The following TOR2A variants were observed in gnomAD, a reference collection of about 807,000 sequenced individuals.
TOR2A encodes prosalusin.
TOR2A carries 24 observed loss-of-function variants against 28.6 expected under a neutral mutation model. The observed-to-expected ratio is 0.84, with a 90% confidence interval of 0.61 to 1.18. TOR2A has a LOEUF of 1.18. TOR2A is among the 50% of genes most tolerant of loss of function. The pLI is 0.00. For missense variants in TOR2A, 426 were observed against 448.1 expected, an observed-to-expected ratio of 0.95 and a Z score of 0.45; for synonymous variants, 203 against 203.1, an observed-to-expected ratio of 1.00 and a Z score of 0.00.
chr9:127,734,762 C>T (rs768692673), intron 1 of TOR2A, 198 bp from the exon 2 acceptor site: 91 of 630,490 alleles, frequency 1.4e-4, no homozygotes, highest in Middle Eastern at 9.2e-4. Context: ...GCGCCCCCAC[C>T]AGGCGGTCCT....
Position 127,734,402 on chromosome 9 carries a change from A to C in TOR2A, c.314T>G (p.Leu105Arg), listed in dbSNP as rs1362793254. ...TGTGKSYVSS[L>R]LAHYLFQGGL... ...GCCCTGGAAGAGGTAGTGCGCCAGC[A>C]GGGAGCTGACATAGGATTTGCCGGT... The change falls in exon 2 of 5, where the codon CTG (leucine) becomes CGG (arginine). Residue 105 changes from leucine (L) to arginine (R), a missense_variant. Transcript: ENST00000373284. 8.1e-6 allele frequency: 13 copies of C among 1,612,582 alleles called. No individual in the cohort carries two copies. Among genetic ancestry groups the C allele is most frequent in the Non-Finnish European group, 1.7e-6 (2 of 1,179,810 alleles).
At position 127,733,389 on chromosome 9, in the gene TOR2A, T is replaced by C. The variant is rs1406050062; in HGVS notation, c.589A>G (p.Ile197Val). The part of the protein sequence containing the change: ...TNYRKAIFIF[I>V]SNTGGKQINQ... ...CACTGCAAAGCCGGGCCCCACCTGATGAAGATGAAGATGGCTTTGCGGTAA... is the reference window on the plus strand; with the variant it reads ...CACTGCAAAGCCGGGCCCCACCTGACGAAGATGAAGATGGCTTTGCGGTAA... Residue 197 changes from isoleucine (I) to valine (V), a missense_variant, in exon 3 of 5, where the codon ATC (isoleucine) becomes GTC (valine). Physicochemically the swap from Ile to Val is conservative, Grantham distance 29. Transcript: ENST00000373284. 4 of 1,613,286 alleles carry C rather than the reference T, an allele frequency of 2.5e-6. No individual in the cohort carries two copies. The highest frequency in any genetic ancestry group is 3.4e-6 in the Non-Finnish European group (4 of 1,179,656).
Position 127,732,686 on chromosome 9 carries a change from G to C in TOR2A, c.599C>G (p.Thr200Arg), listed in dbSNP as rs374370419. The part of the protein sequence containing the change: ...RKAIFIFISN[T>R]GGKQINQVAL... ...CACCTGGTTGATCTGCTTGCCACCC[G>C]TGTTGCTAAAACCATGGGGGACCCA... The change falls in exon 4 of 5, where the codon ACG (threonine) becomes AGG (arginine). Residue 200 changes from threonine (T) to arginine (R), a missense_variant. Physicochemically the swap from Thr to Arg is moderately conservative, Grantham distance 71. Coordinates refer to ENST00000373284, the MANE Select transcript of TOR2A (RefSeq NM_001085347.3). The C allele has an allele frequency of 1.3e-6, 2 of 1,562,886 alleles. No individual in the cohort carries two copies. Among genetic ancestry groups the C allele is most frequent in the African/African-American group, 2.7e-5 (2 of 73,826 alleles).
chr9:127,732,427 C>G, intron 4 of TOR2A, 137 bp downstream of exon 4: 1 of 1,446,146 alleles, frequency 6.9e-7, no homozygotes, highest in Non-Finnish European at 9.1e-7. Flanking sequence ...AAGGCTCACC[C>G]AAAGTCACAA....
At position 127,732,656 on chromosome 9, in the gene TOR2A, A is replaced by G. The variant is rs1264150192; in HGVS notation, c.629T>C (p.Leu210Ser). Residue 210 changes from leucine (L) to serine (S), a missense_variant, in exon 4 of 5, where the codon TTG (leucine) becomes TCG (serine). Coordinates refer to ENST00000373284, the MANE Select transcript of TOR2A (RefSeq NM_001085347.3). ...TGGKQINQVALEAWRSRRDRE... is the reference protein window; with the variant it reads ...TGGKQINQVASEAWRSRRDRE... Reference sequence around the variant, plus strand: ...GTCCCGCCGGCTGCGCCACGCCTCCAATGCCACCTGGTTGATCTGCTTGCC... The same window carrying G: ...GTCCCGCCGGCTGCGCCACGCCTCCGATGCCACCTGGTTGATCTGCTTGCC... 6.4e-7 allele frequency: 1 copy of G among 1,570,332 alleles called. No homozygotes were observed. Among genetic ancestry groups the G allele is most frequent in the Non-Finnish European group, 8.6e-7 (1 of 1,158,326 alleles).
In TOR2A at chr9:127,731,878, C is replaced by T; in HGVS notation, c.*156G>A. 1 of 1,437,438 alleles carries T rather than the reference C, an allele frequency of 7.0e-7. No individual in the cohort carries two copies. The highest frequency in any genetic ancestry group is 9.2e-7 in the Non-Finnish European group (1 of 1,086,744). The allele number at this position is 1,437,438 out of a possible 1,614,324, so 89.0% of individuals were successfully genotyped here. On this transcript the variant is annotated 3_prime_UTR_variant, in exon 5 of 5. Transcript: ENST00000373284. ...TGGCCGGGGCCAAGATGCTCTCGAG[C>T]CAGTTTAGAGGCCAGGGCCCTTCCT... is the stretch of plus-strand genomic sequence containing the variant.
chr9:127,732,402 G>C, intron 4 of TOR2A, 124 bp from the exon 5 acceptor site: 1 of 1,455,706 alleles, frequency 6.9e-7, no homozygotes, highest in Non-Finnish European at 9.0e-7. Flanking sequence ...TCTGGGTGTA[G>C]GACTCAGGGG....
chr9:127,732,834 C>A, intron 3 of TOR2A, 143 bp from the exon 4 acceptor site: 2 of 1,444,504 alleles, frequency 1.4e-6, no homozygotes, highest in Non-Finnish European at 1.8e-6. Context: ...CGCTCCACTT[C>A]CCCCTCCATG....
intron 3 of TOR2A, chr9:127,732,918 T>A: frequency 1.4e-6 from 2 of 1,413,008 alleles, no homozygotes; most frequent in Non-Finnish European, 1.8e-6. Flanking sequence ...CACTTTTGTG[T>A]CCCTCAACTG....
Position 127,732,190 on chromosome 9 carries a change from G to A in TOR2A, c.810C>T (p.His270=), listed in dbSNP as rs757777939. Reference sequence around the variant, plus strand: ...GCTGGGCCAGCTCGTTGAGCACGCAGTGCCGGACGTGGTGCCGCTGGAGCG... The same window carrying A: ...GCTGGGCCAGCTCGTTGAGCACGCAATGCCGGACGTGGTGCCGCTGGAGCG... The part of the protein sequence containing the change: ...FLPLQRHHVR[H]CVLNELAQLG... Residue 270 remains histidine, a synonymous_variant, in exon 5 of 5, where the codon CAC becomes CAT. Coordinates refer to ENST00000373284, the MANE Select transcript of TOR2A (RefSeq NM_001085347.3). 5 of 1,612,806 alleles carry A rather than the reference G, an allele frequency of 3.1e-6. No homozygotes were observed. In the South Asian group the frequency reaches 5.5e-5, roughly 18 times the overall value.
Position 127,735,103 on chromosome 9 carries a change from G to C in TOR2A, c.151+17C>G, listed in dbSNP as rs1199012499. ...CGCGTCCGCCCGCCCCTCGCTCCGG[G>C]CTCCCTGGCGCCTCACCCGGCAAGT... On this transcript the variant is annotated intron_variant, in intron 1 of 4. Coordinates refer to ENST00000373284, the MANE Select transcript of TOR2A (RefSeq NM_001085347.3). 22 of 1,453,386 alleles carry C rather than the reference G, an allele frequency of 1.5e-5. No homozygotes were observed. The highest frequency in any genetic ancestry group is 1.6e-5 in the Non-Finnish European group (18 of 1,108,228). The allele number at this position is 1,453,386 out of a possible 1,614,324, so 90.0% of individuals were successfully genotyped here.
In TOR2A at chr9:127,735,019, C is replaced by T; in HGVS notation, c.151+101G>A. ...CCCTCGGTCCCACCCTCTGGGTCCT[C>T]AGCTTCTCTGGCCGGCGCCAGCCGG... On this transcript the variant is annotated intron_variant, in intron 1 of 4. Transcript: ENST00000373284. 6 of 1,334,028 alleles carry T rather than the reference C, an allele frequency of 4.5e-6. No homozygotes were observed. The South Asian group carries it at 7.2e-5, about 16-fold the overall frequency. The allele number at this position is 1,334,028 out of a possible 1,614,324, so 82.6% of individuals were successfully genotyped here.
chr9:127,735,057 C>T, intron 1 of TOR2A, 63 bp downstream of exon 1: 2 of 1,374,034 alleles, frequency 1.5e-6, no homozygotes, highest in Non-Finnish European at 1.9e-6. Flanking sequence ...TCCCAGGGCT[C>T]CCAGCGCTCC....
At chr9:127,734,218 C>A in intron 2 of TOR2A, 81 bp downstream of exon 2, 1 of 1,482,826 alleles carries the variant, frequency 6.7e-7, no homozygotes. Context: ...GAGCAGGTGA[C>A]TCCCCTGTCT....
At position 127,731,798 on chromosome 9, in the gene TOR2A, G is replaced by A. The variant is rs1415779463; in HGVS notation, c.*236C>T. The A allele has an allele frequency of 5.0e-6, 4 of 798,852 alleles. No homozygotes were observed. Among genetic ancestry groups the A allele is most frequent in the African/African-American group, 3.5e-5 (2 of 57,614 alleles). The allele number at this position is 798,852 out of a possible 1,614,324, so 49.5% of individuals were successfully genotyped here. A position where few individuals can be genotyped will look rare whatever the true frequency, so the allele number is the denominator to read the frequency against. ...ACAGTAAGAAGGCTCAGGCTGCAGG[G>A]GGAGGTCAAGGCTCAGTGAGGTTCT... On this transcript the variant is annotated 3_prime_UTR_variant, in exon 5 of 5. Transcript: ENST00000373284.
chr9:127,732,091 C>G lies in TOR2A; in HGVS notation c.909G>C (p.Gln303His). The change falls in exon 5 of 5, where the codon CAG (glutamine) becomes CAC (histidine). Residue 303 changes from glutamine (Q) to histidine (H), a missense_variant. Physicochemically the swap from Gln to His is conservative, Grantham distance 24. Transcript: ENST00000373284. ...TCTTGCAGCCGTTGGAGGAGAAGAG[C>G]TGCTCGTCTTCAGGGAAGAAGGTGG... ...DSTTFFPEDE[Q>H]LFSSNGCKTV... is the part of the protein sequence containing the mutation. The G allele has an allele frequency of 6.2e-7, 1 of 1,613,908 alleles. No individual in the cohort carries two copies. The highest frequency in any genetic ancestry group is 8.5e-7 in the Non-Finnish European group (1 of 1,180,022).
chr9:127,732,359 G>A, intron 4 of TOR2A, 81 bp from the exon 5 acceptor site: 2 of 1,498,306 alleles, frequency 1.3e-6, no homozygotes, highest in South Asian at 1.4e-5. Context: ...GGGGCAGGAG[G>A]AAAAATGCTG....
Position 127,735,184 on chromosome 9 carries a change from G to A in TOR2A, c.87C>T (p.Asp29=). 6.7e-7 allele frequency: 1 copy of A among 1,482,836 alleles called. No homozygotes were observed. Among genetic ancestry groups the A allele is most frequent in the South Asian group, 1.3e-5 (1 of 78,540 alleles). 91.9% of individuals were successfully genotyped at this position (1,482,836 alleles called of 1,614,324 possible). A position where few individuals can be genotyped will look rare whatever the true frequency, so the allele number is the denominator to read the frequency against. Residue 29 remains aspartate, a synonymous_variant, in exon 1 of 5, where the codon GAC becomes GAT. Transcript: ENST00000373284. ...CCAAGGTGCAGCGCAGGGAAGCCAG[G>A]TCCCAGGCGGCGGCCGCGGCCGAGA... ...GLVSAAAAAW[D]LASLRCTLGA... is the part of the protein sequence containing the mutation.
intron 3 of TOR2A, 107 bp from the exon 4 acceptor site, chr9:127,732,798 C>A (rs1289925470): frequency 2.7e-6 from 4 of 1,466,446 alleles, no homozygotes; most frequent in Admixed American, 4.7e-5. Flanking sequence ...TGGCTCAGTG[C>A]GGGGAGGAGC....
Sources: gnomAD v4.1 joint callset for allele counts on GRCh38, gnomAD v4.1.1 for gene constraint, MANE v1.5 for transcripts, NCBI Gene and HGNC (gene_info 2026-07-23, HGNC 2026-07-21) for gene names.